The following SMG5 variants were observed in gnomAD, a reference collection of about 807,000 sequenced individuals.
The protein encoded by SMG5 is SMG5 nonsense mediated mRNA decay factor, also known as nonsense-mediated mRNA decay factor SMG5.
Under a neutral mutation model 122.9 loss-of-function variants are expected in SMG5, and 53 were observed. The observed-to-expected ratio is 0.43, with a 90% CI of 0.35 to 0.54. SMG5 has a LOEUF of 0.54. Ranked by LOEUF, SMG5 falls within the 20% of genes least tolerant of loss-of-function variation. The pLI, the probability that SMG5 is intolerant of heterozygous loss-of-function variation, is 0.01. For missense variants in SMG5, 1,153 were observed against 1,285.6 expected (o/e 0.90, Z 1.58); for synonymous variants, 477 against 490.2 (o/e 0.97, Z 0.35).
chr1:156,252,178 C>T (rs903064817), intron 19 of SMG5, among the ~76,000 whole-genome samples: 5 of 152,246 alleles, frequency 3.3e-5, no homozygotes, highest in Admixed American at 6.5e-5. Context: ...GGAAGGACAG[C>T]AGCTCAGTGC....
At chr1:156,275,047 A>G (rs1306281272) in intron 4 of SMG5, among the ~76,000 whole-genome samples, 1 of 150,048 alleles carries the variant, frequency 6.7e-6, no homozygotes, top group African/African-American at 2.4e-5. Context: ...TGTCTTGGGT[A>G]GAAGTTACAC....
chr1:156,252,821 T>C, intron 18 of SMG5, 98 bp downstream of exon 18: 1 of 1,291,924 alleles, frequency 7.7e-7, no homozygotes, highest in Non-Finnish European at 1.0e-6. Flanking sequence ...TGACCAAGGT[T>C]ACTGCATATA....
chr1:156,262,920 CA>C (rs1286847610), intron 13 of SMG5, among the ~76,000 whole-genome samples: 2 of 152,222 alleles, frequency 1.3e-5, no homozygotes, highest in Non-Finnish European at 2.9e-5. Context: ...TGGCCCCACC[CA>C]GCCTCCATGG....
In SMG5 at chr1:156,278,993, C is replaced by T; in HGVS notation, c.116G>A (p.Cys39Tyr). 1 of 1,614,118 alleles carries T rather than the reference C, an allele frequency of 6.2e-7. No homozygotes were observed. The highest frequency in any genetic ancestry group is 8.5e-7 in the Non-Finnish European group (1 of 1,180,016). ...EAVHRLDLIL[C>Y]NKTAYQEVFK... ...TACTTCTTGATAAGCAGTTTTGTTG[C>T]AAAGGATGAGGTCAAGTCGATGCAC... Residue 39 changes from cysteine to tyrosine, a missense_variant, in exon 2 of 22, where the codon TGC (cysteine) becomes TAC (tyrosine). This residue lies in a region of SMG5 where 213 missense variants were observed against 197.5 expected (regional missense o/e 1.08). Transcript: ENST00000361813.
chr1:156,261,113 C>T (rs1000026223), intron 14 of SMG5, among the ~76,000 whole-genome samples: 5 of 152,220 alleles, frequency 3.3e-5, no homozygotes. Context: ...CTAGGGAGCA[C>T]ACTCCCTTGC....
In SMG5 at chr1:156,252,482, C is replaced by T; in HGVS notation, c.2685G>A (p.Leu895=). ...PRTVIDGLDL[L]KKEHPGARDG... The stretch of plus-strand genomic sequence containing the variant: ...CCCGGGCCCCTGGGTGTTCCTTCTT[C>T]AGCAAATCCAGGCCATCGATCACTG... Residue 895 remains leucine, a synonymous_variant, in exon 19 of 22, where the codon CTG becomes CTA. Transcript: ENST00000361813. The T allele has an allele frequency of 2.5e-6, 4 of 1,614,054 alleles. No homozygotes were observed. The highest frequency in any genetic ancestry group is 3.4e-6 in the Non-Finnish European group (4 of 1,180,018).
At chr1:156,286,862 G>A (rs1663179746), upstream of SMG5, among the ~76,000 whole-genome samples, 1 of 152,350 alleles carries the variant, frequency 6.6e-6, no homozygotes, top group South Asian at 2.1e-4. Flanking sequence ...AGTGGCTCAT[G>A]CCTGTAATCT....
At chr1:156,263,024 A>G (rs569053235) in intron 13 of SMG5, among the ~76,000 whole-genome samples, 1 of 152,186 alleles carries the variant, frequency 6.6e-6, no homozygotes, top group South Asian at 2.1e-4. Flanking sequence ...AGAAGTTCCC[A>G]TCTCTTCTGT....
chr1:156,252,493 G>C lies in SMG5; in HGVS notation c.2674C>G (p.Leu892Val). 1.9e-6 allele frequency: 3 copies of C among 1,614,014 alleles called. No individual in the cohort carries two copies. Among genetic ancestry groups the C allele is most frequent in the Non-Finnish European group, 2.5e-6 (3 of 1,180,008 alleles). ...VIIPRTVIDG[L>V]DLLKKEHPGA... The stretch of plus-strand genomic sequence containing the variant: ...GGGTGTTCCTTCTTCAGCAAATCCA[G>C]GCCATCGATCACTGGTGGGCAAGGT... The change falls in exon 19 of 22, where the codon CTG becomes GTG. Residue 892 changes from leucine (L) to valine (V), a missense_variant. This residue lies in a region of SMG5 where 140 missense variants were observed against 227.8 expected (regional missense o/e 0.61). Transcript: ENST00000361813.
intron 4 of SMG5, among the ~76,000 whole-genome samples, chr1:156,276,127 C>CTT (rs144991356): frequency 7.8e-5 from 10 of 128,732 alleles, no homozygotes; most frequent in South Asian, 5.1e-4. Flanking sequence ...AGAGGTTTGG[C>CTT]TTTTTTTTTT....
chr1:156,287,470 T>C (rs182149562), upstream of SMG5, among the ~76,000 whole-genome samples: 21 of 152,128 alleles, frequency 1.4e-4, no homozygotes, highest in Non-Finnish European at 2.9e-4. Flanking sequence ...GGTCTCAAGG[T>C]TGGGGGGCCT....
Position 156,268,315 on chromosome 1 carries a change from G to A in SMG5, c.814C>T (p.Arg272Trp), listed in dbSNP as rs753907434. Residue 272 changes from arginine to tryptophan, a missense_variant, in exon 8 of 22, where the codon CGG (arginine) becomes TGG (tryptophan). Coordinates refer to ENST00000361813, the MANE Select transcript of SMG5 (RefSeq NM_015327.3). ...MYHQLKKCET[R>W]KLSPGKKRCK... The stretch of plus-strand genomic sequence containing the variant: ...CGCTTTTTGCCAGGAGACAGTTTCC[G>A]AGTCTCACACTTCTTCAGTTGGTGG... 30 of 1,614,036 alleles carry A rather than the reference G, an allele frequency of 1.9e-5. No individual in the cohort carries two copies. The highest frequency in any genetic ancestry group is 2.5e-5 in the Non-Finnish European group (29 of 1,180,044).
intron 2 of SMG5, 139 bp from the exon 3 acceptor site, chr1:156,278,187 A>C: frequency 2.0e-6 from 2 of 1,024,796 alleles, no homozygotes; most frequent in Non-Finnish European, 2.8e-6. Context: ...GGTCAATATG[A>C]CCCAGCACAA....
chr1:156,261,938 T>C (rs898133758), intron 13 of SMG5, among the ~76,000 whole-genome samples: 10 of 150,334 alleles, frequency 6.7e-5, no homozygotes, highest in African/African-American at 1.7e-4. Context: ...GGCATGCGCT[T>C]GTAGCCCCAG....
intron 1 of SMG5, 62 bp from the exon 2 acceptor site, chr1:156,279,096 T>TA (rs1662818245): frequency 7.3e-7 from 1 of 1,371,676 alleles, no homozygotes; most frequent in African/African-American, 1.4e-5. Flanking sequence ...AGGATGACGC[T>TA]GGGACACGAT....
At position 156,251,360 on chromosome 1, in the gene SMG5, G is replaced by C. The variant is rs774759374; in HGVS notation, c.2828+43C>G. ...CCTAGGAATGCTCGTGGAGGAGCAA[G>C]GCAGGTGGCCTGAGGTTCTAGGGGT... On this transcript the variant is annotated intron_variant, in intron 20 of 21. Transcript: ENST00000361813. 12 of 1,604,276 alleles carry C rather than the reference G, an allele frequency of 7.5e-6. No homozygotes were observed. In the South Asian group the frequency reaches 1.3e-4, roughly 18 times the overall value.
chr1:156,272,793 T>C (rs1662494198), intron 6 of SMG5, among the ~76,000 whole-genome samples: 2 of 152,084 alleles, frequency 1.3e-5, no homozygotes, highest in African/African-American at 4.8e-5. Flanking sequence ...CTCAATCTCC[T>C]GACGTCGTGA....
At chr1:156,280,735 A>C (rs1021391444) in intron 1 of SMG5, among the ~76,000 whole-genome samples, 3 of 152,232 alleles carry the variant, frequency 2.0e-5, no homozygotes, top group Admixed American at 6.5e-5. Flanking sequence ...AAAACGCTTA[A>C]ATATGAGAGG....
chr1:156,253,342 G>T, intron 17 of SMG5, 107 bp downstream of exon 17: 1 of 1,194,578 alleles, frequency 8.4e-7, no homozygotes, highest in East Asian at 2.4e-5. Flanking sequence ...GAGGGACACA[G>T]AGGCAACAGA....
Sources: allele counts gnomAD v4.1 joint callset (sites outside exome capture counted in the v4.1 genomes callset), GRCh38; gene constraint gnomAD v4.1.1; regional missense constraint gnomAD v4.1.1; transcripts MANE v1.5; gene names NCBI Gene and HGNC (gene_info 2026-07-23, HGNC 2026-07-21).